The following DCC variants were observed in gnomAD, a reference collection of about 807,000 sequenced individuals.
The protein encoded by DCC is netrin receptor DCC.
DCC carries 58 observed loss-of-function variants against 172.5 expected under a neutral mutation model. The ratio of observed to expected loss-of-function variants is 0.34; its 90% CI spans 0.27 to 0.42. The LOEUF is 0.42. Among genes scored for constraint, DCC ranks in the 10% least tolerant of loss-of-function variants. The probability of loss-of-function intolerance (pLI) is 1.00; values close to 1 mark genes in which losing one functional copy is unlikely to be tolerated. For missense variants in DCC, 1,740 were observed against 1,791.0 expected (o/e 0.97, Z 0.51); for synonymous variants, 709 against 644.5 (o/e 1.10, Z -1.52).
At chr18:53,378,271 TC>T (rs1176490534) in intron 15 of DCC, among the ~76,000 whole-genome samples, 17 of 152,164 alleles carry the variant, frequency 1.1e-4, no homozygotes, top group Non-Finnish European at 2.1e-4. Context: ...CTTTTAAACC[TC>T]CAACACAATT....
chr18:53,377,094 C>T (rs560294550), intron 15 of DCC, among the ~76,000 whole-genome samples: 1 of 151,920 alleles, frequency 6.6e-6, no homozygotes. Flanking sequence ...CAACTCACAT[C>T]TCTTATTCTA....
intron 12 of DCC, among the ~76,000 whole-genome samples, chr18:53,258,864 G>C (rs1392559149): frequency 2.6e-5 from 4 of 152,062 alleles, no homozygotes; most frequent in African/African-American, 7.2e-5. Flanking sequence ...GTAGGTCACT[G>C]AGGACTTGCT....
intron 1 of DCC, among the ~76,000 whole-genome samples, chr18:52,377,472 T>C (rs751431125): frequency 8.5e-5 from 13 of 152,204 alleles, no homozygotes; most frequent in Non-Finnish European, 1.3e-4. Flanking sequence ...TTTTTCATTG[T>C]TAGTAAGCCC....
At chr18:52,363,662 A>T (rs1984718201) in intron 1 of DCC, among the ~76,000 whole-genome samples, 1 of 152,234 alleles carries the variant, frequency 6.6e-6, no homozygotes, top group Admixed American at 6.5e-5. Flanking sequence ...TCAATTAAAA[A>T]ATATATATTT....
intron 15 of DCC, among the ~76,000 whole-genome samples, chr18:53,359,265 A>C (rs565958499): frequency 1.3e-5 from 2 of 152,144 alleles, no homozygotes; most frequent in African/African-American, 2.4e-5. Context: ...CCAAGAGTCC[A>C]TGCTGTATAT....
intron 7 of DCC, among the ~76,000 whole-genome samples, chr18:53,133,230 C>T (rs955411254): frequency 2.0e-5 from 3 of 152,160 alleles, no homozygotes; most frequent in Non-Finnish European, 4.4e-5. Context: ...TGCAGATGCC[C>T]AGCAAGTTGC....
intron 21 of DCC, among the ~76,000 whole-genome samples, chr18:53,432,143 ATAAT>A (rs1174888904): frequency 1.3e-5 from 2 of 152,200 alleles, no homozygotes. Flanking sequence ...TACTTTAATA[ATAAT>A]TAAAAAGCAT....
intron 1 of DCC, among the ~76,000 whole-genome samples, chr18:52,732,836 T>A (rs7235402): frequency 0.072 from 10,898 of 152,256 alleles, 445 homozygotes; most frequent in Middle Eastern, 0.14. Context: ...ATTGGTTCAT[T>A]TGTTCTTCCC....
intron 1 of DCC, among the ~76,000 whole-genome samples, chr18:52,656,113 T>TAA (rs141687390): frequency 0.031 from 4,618 of 148,306 alleles, 229 homozygotes; most frequent in African/African-American, 0.11. Flanking sequence ...TACATATATA[T>TAA]AACATATATA....
chr18:52,467,870 C>A lies in DCC; in HGVS notation c.91+126992C>A, dbSNP rs369248186. ...TCTTTTGAGAAGTGTCTGTTCAGAC[C>A]CTTTGCCCACTTTATGATGGGACTG... On this transcript the variant is annotated intron_variant, in intron 1 of 28. Transcript: ENST00000442544. 1.4e-3 allele frequency among the ~76,000 whole-genome samples: 214 copies of A among 151,906 alleles called. 1 individual carries two copies. Among genetic ancestry groups the A allele is most frequent in the African/African-American group, 4.9e-3 (202 of 41,390 alleles).
At chr18:53,054,115 A>G (rs998954622) in intron 5 of DCC, among the ~76,000 whole-genome samples, 3 of 152,136 alleles carry the variant, frequency 2.0e-5, no homozygotes, top group African/African-American at 7.2e-5. Flanking sequence ...ATCCTCCCAT[A>G]TATTTTAAAT....
intron 1 of DCC, among the ~76,000 whole-genome samples, chr18:52,533,693 G>A (rs937846063): frequency 1.2e-4 from 18 of 152,042 alleles, no homozygotes; most frequent in African/African-American, 4.3e-4. Context: ...TAAAGCTACT[G>A]TGAGCATTTC....
intron 1 of DCC, chr18:52,408,899 G>T (rs1247188079): frequency 6.6e-6 from 1 of 152,050 alleles, no homozygotes; most frequent in East Asian, 1.9e-4. Context: ...GGAGTTTGGG[G>T]AGTGCTATTT....
rs765196875 is a variant in DCC, at chr18:52,923,875, CT to C, written c.848+24del. On this transcript the variant is annotated intron_variant, in intron 4 of 28. Coordinates refer to ENST00000442544, the MANE Select transcript of DCC (RefSeq NM_005215.4). ...CAACTCAGGTATTTCACATTTAAGA[CT>C]TTTTTGTAAAGTGTACTTTTGTATG... The C allele has an allele frequency of 1.6e-5, 26 of 1,600,554 alleles. No individual in the cohort carries two copies. The highest frequency in any genetic ancestry group is 4.4e-5 in the South Asian group (4 of 90,882).
chr18:52,729,988 A>C lies in DCC; in HGVS notation c.92-22066A>C, dbSNP rs957388010. On this transcript the variant is annotated intron_variant, in intron 1 of 28. Transcript: ENST00000442544. ...TTTCCTGGCTTTCATTGTTTTATAA[A>C]TGTCTTGAAGCACTGACTTAAAAAC... Among the ~76,000 whole-genome samples, 5 of 152,342 alleles carry C rather than the reference A, an allele frequency of 3.3e-5. No individual in the cohort carries two copies. The South Asian group carries it at 8.3e-4, about 25-fold the overall frequency.
At chr18:52,836,577 G>T (rs935332193) in intron 2 of DCC, among the ~76,000 whole-genome samples, 2 of 152,202 alleles carry the variant, frequency 1.3e-5, no homozygotes, top group South Asian at 2.1e-4. Context: ...AAACCTTAAG[G>T]TTCCAGAATG....
intron 7 of DCC, among the ~76,000 whole-genome samples, chr18:53,076,514 G>A (rs1164396611): frequency 6.6e-6 from 1 of 152,126 alleles, no homozygotes; most frequent in African/African-American, 2.4e-5. Context: ...AGCTGTTGTT[G>A]ATATGTGATA....
intron 1 of DCC, among the ~76,000 whole-genome samples, chr18:52,416,775 T>G (rs552675): frequency 0.015 from 2,333 of 150,628 alleles, 23 homozygotes; most frequent in South Asian, 0.026. Flanking sequence ...GTCTCTGCAC[T>G]TGAGATGGGT....
At chr18:53,382,745 C>T (rs1173144899) in intron 15 of DCC, among the ~76,000 whole-genome samples, 1 of 152,076 alleles carries the variant, frequency 6.6e-6, no homozygotes, top group Non-Finnish European at 1.5e-5. Flanking sequence ...AAGAAATATT[C>T]CCTTTTGGAG....
Sources: allele counts gnomAD v4.1 joint callset (sites outside exome capture counted in the v4.1 genomes callset), GRCh38; gene constraint gnomAD v4.1.1; transcripts MANE v1.5; gene names NCBI Gene and HGNC (gene_info 2026-07-23, HGNC 2026-07-21).